The following TNIK variants were observed in gnomAD, a reference collection of about 807,000 sequenced individuals.
The protein encoded by TNIK is TRAF2 and NCK interacting kinase, also known as TRAF2 and NCK-interacting protein kinase.
Under a neutral mutation model 191.3 loss-of-function variants are expected in TNIK, and 49 were observed. That is an observed-to-expected ratio of 0.26 (90% CI 0.20 to 0.32). TNIK has a LOEUF of 0.32. Among genes scored for constraint, TNIK ranks in the 10% least tolerant of loss-of-function variants. TNIK has a pLI of 1.00. For missense variants in TNIK, 1,155 were observed against 1,702.3 expected (o/e 0.68, Z 5.66); for synonymous variants, 594 against 600.9 (o/e 0.99, Z 0.17).
intron 2 of TNIK, among the ~76,000 whole-genome samples, chr3:171,327,475 T>C (rs1755903327): frequency 6.6e-6 from 1 of 152,182 alleles, no homozygotes; most frequent in South Asian, 2.1e-4. Flanking sequence ...GTGCTATGCC[T>C]GGCCGCTAAA....
At chr3:171,346,677 A>T (rs1712246973) in intron 2 of TNIK, among the ~76,000 whole-genome samples, 1 of 152,102 alleles carries the variant, frequency 6.6e-6, no homozygotes, top group Admixed American at 6.6e-5. Context: ...GATGAAGAAC[A>T]GTTTTGTGAG....
intron 2 of TNIK, among the ~76,000 whole-genome samples, chr3:171,267,194 G>A (rs1218477272): frequency 6.6e-6 from 1 of 152,078 alleles, no homozygotes; most frequent in East Asian, 1.9e-4. Context: ...TCTGAGTCAC[G>A]GTAGAAGAAC....
intron 1 of TNIK, among the ~76,000 whole-genome samples, chr3:171,401,544 A>C (rs4894598): frequency 0.62 from 94,053 of 151,532 alleles, 30,271 homozygotes; most frequent in African/African-American, 0.67. Flanking sequence ...TAAGGTCAAG[A>C]AGTAGAGGGC....
At chr3:171,347,675 G>A (rs1383699140) in intron 2 of TNIK, among the ~76,000 whole-genome samples, 2 of 152,042 alleles carry the variant, frequency 1.3e-5, no homozygotes, top group Non-Finnish European at 2.9e-5. Flanking sequence ...GTGGTATTTC[G>A]GTTTGAGTGG....
chr3:171,253,200 C>T (rs933286114), intron 2 of TNIK, among the ~76,000 whole-genome samples: 1 of 150,534 alleles, frequency 6.6e-6, no homozygotes, highest in African/African-American at 2.4e-5. Context: ...AGGAGAATGG[C>T]GTGAACCCAG....
chr3:171,129,263 A>G (rs901778377), intron 15 of TNIK, among the ~76,000 whole-genome samples: 1 of 152,224 alleles, frequency 6.6e-6, no homozygotes, highest in African/African-American at 2.4e-5. Context: ...GCATGCATTT[A>G]GATGGCTTGG....
rs114835145 is a variant in TNIK, at chr3:171,164,906, G to A, written c.949+2189C>T. Among the ~76,000 whole-genome samples, 490 of 152,288 alleles carry A rather than the reference G, an allele frequency of 3.2e-3. 2 individuals carry two copies. Among genetic ancestry groups the A allele is most frequent in the African/African-American group, 0.011 (468 of 41,546 alleles). ...AATTGACATCTTATTAACTGCAGAT[G>A]AGCCACCGTTTTGGCCTAGCTTCAC... On this transcript the variant is annotated intron_variant, in intron 10 of 32. Transcript: ENST00000436636.
chr3:171,459,531 C>T (rs1729182084), intron 1 of TNIK, among the ~76,000 whole-genome samples: 1 of 152,156 alleles, frequency 6.6e-6, no homozygotes, highest in Admixed American at 6.5e-5. Context: ...GGTTCGGCTT[C>T]GCGGGGACAG....
At chr3:171,258,831 T>C (rs1034131795) in intron 2 of TNIK, among the ~76,000 whole-genome samples, 2 of 152,206 alleles carry the variant, frequency 1.3e-5, no homozygotes, top group Non-Finnish European at 2.9e-5. Flanking sequence ...GACAATTCAA[T>C]GATGATAATC....
At chr3:171,348,441 G>A (rs949947755) in intron 2 of TNIK, among the ~76,000 whole-genome samples, 1 of 152,072 alleles carries the variant, frequency 6.6e-6, no homozygotes, top group Non-Finnish European at 1.5e-5. Flanking sequence ...TAGATCTCTT[G>A]AAGAGGATGG....
chr3:171,204,542 C>T lies in TNIK; in HGVS notation c.306+6574G>A, dbSNP rs370490298. ...ATAATTCATAATATTTTTATACAAA[C>T]GTAATCCTAACAAAATGCCACTAGT... On this transcript the variant is annotated intron_variant, in intron 4 of 32. Coordinates refer to ENST00000436636, the MANE Select transcript of TNIK (RefSeq NM_015028.4). Among the ~76,000 whole-genome samples the T allele has an allele frequency of 7.2e-5, 11 of 152,278 alleles. No individual in the cohort carries two copies. The South Asian group carries it at 1.9e-3, about 26-fold the overall frequency.
intron 18 of TNIK, among the ~76,000 whole-genome samples, chr3:171,113,676 T>C (rs1019901019): frequency 6.6e-6 from 1 of 151,258 alleles, no homozygotes; most frequent in East Asian, 1.9e-4. Context: ...TAAAAATATA[T>C]ATATATATTA....
intron 2 of TNIK, among the ~76,000 whole-genome samples, chr3:171,285,810 C>T (rs1276188515): frequency 6.6e-6 from 1 of 152,180 alleles, no homozygotes; most frequent in African/African-American, 2.4e-5. Context: ...TGCCATCTCG[C>T]CACAGAACAA....
At chr3:171,190,628 T>A (rs888296466) in intron 6 of TNIK, 69 bp downstream of exon 6, 2 of 1,224,066 alleles carry the variant, frequency 1.6e-6, no homozygotes, top group Non-Finnish European at 1.1e-6. Flanking sequence ...TAACATTAAT[T>A]TTTTTAGAGC....
At position 171,433,174 on chromosome 3, in the gene TNIK, A is replaced by G. The variant is rs186023975; in HGVS notation, c.57+26833T>C. On this transcript the variant is annotated intron_variant, in intron 1 of 32. Coordinates refer to ENST00000436636, the MANE Select transcript of TNIK (RefSeq NM_015028.4). ...TATATATTCAAATTGGATTTTTGAA[A>G]ACAGTCTATATAGAAAAACAAAGAA... Among the ~76,000 whole-genome samples, 336 of 149,796 alleles carry G rather than the reference A, an allele frequency of 2.2e-3. 2 individuals carry two copies. The highest frequency in any genetic ancestry group is 7.7e-3 in the African/African-American group (314 of 40,720).
chr3:171,443,764 C>T (rs1727133465), intron 1 of TNIK, among the ~76,000 whole-genome samples: 1 of 152,138 alleles, frequency 6.6e-6, no homozygotes, highest in Non-Finnish European at 1.5e-5. Context: ...TTTGAGGCTA[C>T]AGTGAGCCAT....
intron 2 of TNIK, among the ~76,000 whole-genome samples, chr3:171,235,776 G>T (rs909361382): frequency 8.6e-5 from 13 of 151,296 alleles, no homozygotes; most frequent in African/African-American, 1.5e-4. Context: ...GGTGGGGGGG[G>T]GGTTTATAGA....
intron 6 of TNIK, among the ~76,000 whole-genome samples, chr3:171,190,137 C>T (rs754825082): frequency 6.6e-5 from 10 of 152,120 alleles, no homozygotes; most frequent in South Asian, 2.1e-4. Context: ...AGATTTGTTG[C>T]GGAAAGAGCT....
chr3:171,343,705 C>T (rs1177644432), intron 2 of TNIK, among the ~76,000 whole-genome samples: 3 of 152,124 alleles, frequency 2.0e-5, no homozygotes, highest in Non-Finnish European at 2.9e-5. Context: ...TATTTTCCTG[C>T]CTCTCAAAGT....
Sources: gnomAD v4.1 joint callset for allele counts (sites outside exome capture counted in the v4.1 genomes callset) on GRCh38, gnomAD v4.1.1 for gene constraint, MANE v1.5 for transcripts, NCBI Gene and HGNC (gene_info 2026-07-23, HGNC 2026-07-21) for gene names.